The following PTPRJ variants were observed in gnomAD, a reference collection of about 807,000 sequenced individuals.
The protein encoded by PTPRJ is receptor-type tyrosine-protein phosphatase eta.
In PTPRJ, 129 loss-of-function variants were observed where a neutral mutation model predicts 141.3. That is an observed-to-expected ratio of 0.91 (90% CI 0.79 to 1.06). The LOEUF is 1.06. Ranked by LOEUF, PTPRJ falls within the 50% of genes least tolerant of loss-of-function variation. The pLI is 0.00. For synonymous variants in PTPRJ, 610 were observed against 640.5 expected (o/e 0.95, Z 0.72); for missense variants, 1,601 against 1,679.7 (o/e 0.95, Z 0.82).
At chr11:48,010,322 C>G (rs377625287) in intron 1 of PTPRJ, among the ~76,000 whole-genome samples, 1 of 151,840 alleles carries the variant, frequency 6.6e-6, no homozygotes, top group South Asian at 2.1e-4. Flanking sequence ...GGATTACAGG[C>G]GGGTGCCACC....
chr11:48,097,592 T>C (rs1160500506), intron 1 of PTPRJ, among the ~76,000 whole-genome samples: 3 of 151,870 alleles, frequency 2.0e-5, no homozygotes, highest in South Asian at 4.1e-4. Flanking sequence ...GGCTGGAGTG[T>C]AGTGGCGTGA....
chr11:48,162,403 C>T (rs1857807584), intron 22 of PTPRJ, among the ~76,000 whole-genome samples: 1 of 150,328 alleles, frequency 6.7e-6, no homozygotes, highest in African/African-American at 2.5e-5. Flanking sequence ...CCTCCTCCCT[C>T]TCCCTCCCTT....
chr11:48,027,177 T>C (rs1853838711), intron 1 of PTPRJ, among the ~76,000 whole-genome samples: 2 of 150,872 alleles, frequency 1.3e-5, no homozygotes, highest in South Asian at 4.2e-4. Flanking sequence ...GCTAATTTTT[T>C]TTTGTATTTT....
intron 23 of PTPRJ, 134 bp downstream of exon 23, chr11:48,163,752 T>C (rs986056772): frequency 9.1e-7 from 1 of 1,103,544 alleles, no homozygotes; most frequent in Admixed American, 2.2e-5. Flanking sequence ...TAAGGAACCA[T>C]GGACTTACTC....
At chr11:48,095,041 A>T (rs1398796572) in intron 1 of PTPRJ, among the ~76,000 whole-genome samples, 5 of 152,154 alleles carry the variant, frequency 3.3e-5, no homozygotes, top group African/African-American at 1.2e-4. Context: ...TGTGTCTTTT[A>T]AAAAAATTAC....
chr11:48,034,912 C>A (rs1020961308), intron 1 of PTPRJ, among the ~76,000 whole-genome samples: 7 of 152,218 alleles, frequency 4.6e-5, no homozygotes, highest in African/African-American at 1.4e-4. Flanking sequence ...GAATCTTCAT[C>A]CCCGCAAGAT....
chr11:48,152,132 T>C (rs368006451), intron 18 of PTPRJ, among the ~76,000 whole-genome samples: 1 of 152,180 alleles, frequency 6.6e-6, no homozygotes, highest in Non-Finnish European at 1.5e-5. Context: ...TTTTAATGAT[T>C]GCCATTCTAA....
At chr11:47,995,491 A>G (rs1370266424) in intron 1 of PTPRJ, among the ~76,000 whole-genome samples, 1 of 152,180 alleles carries the variant, frequency 6.6e-6, no homozygotes, top group Non-Finnish European at 1.5e-5. Flanking sequence ...AGGATGGGTG[A>G]CTTGTTGACC....
At chr11:47,999,641 G>A (rs1412902545) in intron 1 of PTPRJ, among the ~76,000 whole-genome samples, 1 of 152,098 alleles carries the variant, frequency 6.6e-6, no homozygotes. Flanking sequence ...GCCCCCATTG[G>A]TGTTTTATTT....
At chr11:48,014,018 T>C (rs956159473) in intron 1 of PTPRJ, among the ~76,000 whole-genome samples, 1 of 152,080 alleles carries the variant, frequency 6.6e-6, no homozygotes, top group African/African-American at 2.4e-5. Context: ...GCTGTTTAGG[T>C]CTGAAGGATC....
At chr11:48,022,061 A>G (rs994680625) in intron 1 of PTPRJ, among the ~76,000 whole-genome samples, 4 of 152,222 alleles carry the variant, frequency 2.6e-5, no homozygotes, top group African/African-American at 9.6e-5. Flanking sequence ...TAAAATGGAG[A>G]TAATAATAGA....
intron 1 of PTPRJ, among the ~76,000 whole-genome samples, chr11:48,079,059 G>T (rs1019938914): frequency 1.3e-5 from 2 of 152,008 alleles, no homozygotes; most frequent in East Asian, 1.9e-4. Context: ...TTTAGAGCAG[G>T]GGTGTCCAAT....
intron 1 of PTPRJ, among the ~76,000 whole-genome samples, chr11:47,997,339 T>G (rs1024233869): frequency 6.6e-6 from 1 of 152,250 alleles, no homozygotes; most frequent in African/African-American, 2.4e-5. Context: ...CTGGCTGTCC[T>G]CTCATTCTCA....
intron 7 of PTPRJ, 36 bp downstream of exon 7, chr11:48,128,079 C>T (rs1261296221): frequency 6.3e-7 from 1 of 1,588,434 alleles, no homozygotes; most frequent in Non-Finnish European, 8.6e-7. Context: ...CCCTTTCCTG[C>T]TGTCCTGCTC....
In PTPRJ at chr11:48,158,007, C is replaced by T. The variant is rs766032733; in HGVS notation, c.3438+1888C>T. Among the ~76,000 whole-genome samples the T allele has an allele frequency of 1.3e-5, 2 of 152,114 alleles. No homozygotes were observed. Among genetic ancestry groups the T allele is most frequent in the Non-Finnish European group, 2.9e-5 (2 of 68,008 alleles). ...TCTCTACTAAAAACACAAAAATTAG[C>T]CAGGCGTGGTGGTGCATGCCTGTAA... On this transcript the variant is annotated intron_variant, in intron 21 of 24. Transcript: ENST00000418331. This position sits in a 1 kb window ranked among gnomAD's most constrained non-coding sequence, Gnocchi z 4.4.
At chr11:47,983,543 G>A (rs1000410099) in intron 1 of PTPRJ, among the ~76,000 whole-genome samples, 2 of 152,192 alleles carry the variant, frequency 1.3e-5, no homozygotes, top group African/African-American at 2.4e-5. Context: ...TAGTAGGCCC[G>A]GAAAAGCAAT....
chr11:48,000,073 G>A (rs1264538622), intron 1 of PTPRJ, among the ~76,000 whole-genome samples: 1 of 151,536 alleles, frequency 6.6e-6, no homozygotes, highest in Admixed American at 6.6e-5. Context: ...TGGCCAGGCT[G>A]GTCTTGCCCT....
At chr11:48,080,900 T>G (rs750840127) in intron 1 of PTPRJ, among the ~76,000 whole-genome samples, 20 of 152,230 alleles carry the variant, frequency 1.3e-4, no homozygotes, top group Non-Finnish European at 2.6e-4. Context: ...TATAGCCCAG[T>G]GCATATTGGG....
At chr11:48,056,782 G>A (rs983227039) in intron 1 of PTPRJ, among the ~76,000 whole-genome samples, 7 of 152,120 alleles carry the variant, frequency 4.6e-5, no homozygotes, top group South Asian at 2.1e-4. Context: ...GTGAAACCCC[G>A]TCTCTACTAA....
Sources: allele counts gnomAD v4.1 joint callset (sites outside exome capture counted in the v4.1 genomes callset), GRCh38; gene constraint gnomAD v4.1.1; non-coding constraint Gnocchi (gnomAD v3.1); transcripts MANE v1.5; gene names NCBI Gene and HGNC (gene_info 2026-07-23, HGNC 2026-07-21).